LRP1B: variants seen among roughly 807,000 people sequenced by gnomAD.
LRP1B encodes the protein low-density lipoprotein receptor-related protein 1B.
In LRP1B, 217 loss-of-function variants were observed where a neutral mutation model predicts 556.6. That is an observed-to-expected ratio of 0.39 (90% CI 0.35 to 0.44). The LOEUF is 0.44. LRP1B is among the 20% of genes least tolerant of loss of function. The pLI is 1.00. For missense variants in LRP1B, 5,053 were observed against 5,620.8 expected, an observed-to-expected ratio of 0.90 and a Z score of 3.23; for synonymous variants, 2,047 against 1,865.8, an observed-to-expected ratio of 1.10 and a Z score of -2.50.
chr2:141,584,969 C>T (rs1218662050), intron 2 of LRP1B, among the ~76,000 whole-genome samples: 1 of 151,890 alleles, frequency 6.6e-6, no homozygotes, highest in Non-Finnish European at 1.5e-5. Context: ...TTCTGGAGAG[C>T]TGACTCACAA....
chr2:141,379,746 C>G (rs1361315861), intron 3 of LRP1B, among the ~76,000 whole-genome samples: 1 of 152,054 alleles, frequency 6.6e-6, no homozygotes, highest in Non-Finnish European at 1.5e-5. Flanking sequence ...TTACTAGTTC[C>G]CTGGAACCAT....
At chr2:140,678,846 T>G (rs924038692) in intron 41 of LRP1B, among the ~76,000 whole-genome samples, 1 of 151,720 alleles carries the variant, frequency 6.6e-6, no homozygotes, top group African/African-American at 2.4e-5. Context: ...GGCATAGTCT[T>G]GGCTCACTGC....
chr2:140,687,575 A>AT lies in LRP1B; in HGVS notation c.6799+12674dup, dbSNP rs138037926. Among the ~76,000 whole-genome samples the AT allele has an allele frequency of 0.019, 2,846 of 149,704 alleles. 155 individuals carry two copies. The East Asian group carries it at 0.22, about 12-fold the overall frequency. On this transcript the variant is annotated intron_variant, in intron 41 of 90. Coordinates refer to ENST00000389484, the MANE Select transcript of LRP1B (RefSeq NM_018557.3). ...GTCCTGAGAAACTGATATCCACATG[A>AT]TTTTTTTTTTAGTACAAGTTCTTTT... is the stretch of plus-strand genomic sequence containing the variant.
chr2:140,941,118 C>T (rs1330652104), intron 20 of LRP1B, among the ~76,000 whole-genome samples: 2 of 152,038 alleles, frequency 1.3e-5, no homozygotes, highest in Non-Finnish European at 2.9e-5. Flanking sequence ...AAAGAAACAG[C>T]ATGACATTAA....
intron 25 of LRP1B, among the ~76,000 whole-genome samples, chr2:140,877,764 A>G (rs945530289): frequency 6.6e-6 from 1 of 152,148 alleles, no homozygotes; most frequent in Non-Finnish European, 1.5e-5. Context: ...ACCAATGTTC[A>G]TCTTACATAT....
At chr2:140,426,783 T>C (rs1419083125) in intron 66 of LRP1B, among the ~76,000 whole-genome samples, 1 of 152,218 alleles carries the variant, frequency 6.6e-6, no homozygotes, top group East Asian at 1.9e-4. Flanking sequence ...TGGTGGTCTC[T>C]TCACATGGAC....
chr2:141,672,879 A>T (rs1169583790), intron 2 of LRP1B, among the ~76,000 whole-genome samples: 2 of 152,260 alleles, frequency 1.3e-5, no homozygotes, highest in Admixed American at 1.3e-4. Context: ...TTCATCATGA[A>T]GGTTTCCAGT....
chr2:141,338,501 T>G (rs1273484207), intron 3 of LRP1B, among the ~76,000 whole-genome samples: 1 of 152,156 alleles, frequency 6.6e-6, no homozygotes, highest in Non-Finnish European at 1.5e-5. Context: ...CATTAGCACT[T>G]TGATTTACGG....
At chr2:140,931,145 C>T (rs1330643837) in intron 20 of LRP1B, among the ~76,000 whole-genome samples, 1 of 152,114 alleles carries the variant, frequency 6.6e-6, no homozygotes. Flanking sequence ...ATGCTGCCTA[C>T]CTAATGTAGT....
intron 1 of LRP1B, among the ~76,000 whole-genome samples, chr2:141,958,473 T>C (rs1349887999): frequency 6.6e-6 from 1 of 152,034 alleles, no homozygotes; most frequent in East Asian, 1.9e-4. Context: ...TTGATTTCTC[T>C]TAAAGGGATT....
In LRP1B at chr2:141,188,690, A is replaced by G. The variant is rs568114171; in HGVS notation, c.851-107T>C. On this transcript the variant is annotated intron_variant, in intron 6 of 90. Transcript: ENST00000389484. ...CCATCATAGAGGACATTTCAAAAGT[A>G]TAGACATTTTTATGAAAAGAAACTG... 8 of 931,954 alleles carry G rather than the reference A, an allele frequency of 8.6e-6. No individual in the cohort carries two copies. In the East Asian group the frequency reaches 2.1e-4, roughly 25 times the overall value. The allele number at this position is 931,954 out of a possible 1,614,324, so 57.7% of individuals were successfully genotyped here.
In LRP1B at chr2:141,810,384, G is replaced by T. The variant is rs758794520; in HGVS notation, c.100C>A (p.Pro34Thr). Residue 34 changes from proline (P) to threonine (T), a missense_variant, in exon 2 of 91, where the codon CCT becomes ACT. Pro to Thr is a conservative substitution (Grantham distance 38). This residue lies in a region of LRP1B where 3,619 missense variants were observed against 3,931.9 expected (regional missense o/e 0.92). Transcript: ENST00000389484. ...GADRDQQLCD[P>T]GEFLCHDHVT... ...TGATCGTGGCAAAGAAATTCACCAG[G>T]ATCACACAACTGCTGATCTGAAAAT... 6.2e-6 allele frequency: 10 copies of T among 1,612,856 alleles called. No homozygotes were observed. Among genetic ancestry groups the T allele is most frequent in the Admixed American group, 3.3e-5 (2 of 59,830 alleles).
intron 85 of LRP1B, among the ~76,000 whole-genome samples, chr2:140,270,815 C>T (rs999295641): frequency 1.3e-5 from 2 of 151,920 alleles, no homozygotes; most frequent in Admixed American, 6.6e-5. Context: ...TTAGACCCCA[C>T]ATTTCATAAG....
rs767452254 is a variant in LRP1B, at chr2:140,525,889, C to T, written c.7981G>A (p.Gly2661Arg). Residue 2661 changes from glycine to arginine, a missense_variant, in exon 49 of 91, where the codon GGG becomes AGG. Physicochemically the swap from Gly to Arg is moderately radical, Grantham distance 125 (BLOSUM62 -2). Around this residue, in one of 5 missense-constraint regions of LRP1B, gnomAD observed 3,619 missense variants for 3,931.9 expected, o/e 0.92. Transcript: ENST00000389484. Reference protein sequence around the residue: ...LCVLPTWICDGSNDCGDYSDE... With the variant: ...LCVLPTWICDRSNDCGDYSDE... ...GAATAGTCTCCACAGTCATTAGACC[C>T]GTCGCATATCCAGGTTGGCAGAACA... 25 of 1,612,150 alleles carry T rather than the reference C, an allele frequency of 1.6e-5. No homozygotes were observed. The highest frequency in any genetic ancestry group is 5.0e-5 in the Admixed American group (3 of 59,780).
At chr2:140,702,590 A>T in intron 37 of LRP1B, 37 bp from the exon 38 acceptor site, 2 of 1,601,754 alleles carry the variant, frequency 1.2e-6, no homozygotes, top group Non-Finnish European at 1.7e-6. Flanking sequence ...GTTTATGTAC[A>T]TTTATTTGTA....
At chr2:141,583,473 T>C (rs1376230203) in intron 2 of LRP1B, among the ~76,000 whole-genome samples, 1 of 151,818 alleles carries the variant, frequency 6.6e-6, no homozygotes, top group Non-Finnish European at 1.5e-5. Flanking sequence ...AATGAAAAAA[T>C]AACAGATCTA....
At chr2:142,099,579 T>C (rs1418231573) in intron 1 of LRP1B, among the ~76,000 whole-genome samples, 1 of 151,974 alleles carries the variant, frequency 6.6e-6, no homozygotes, top group African/African-American at 2.4e-5. Flanking sequence ...TCATGCTATT[T>C]TAAGTATTCG....
intron 1 of LRP1B, among the ~76,000 whole-genome samples, chr2:142,108,503 G>A (rs557857347): frequency 3.2e-4 from 49 of 152,234 alleles, no homozygotes; most frequent in African/African-American, 7.2e-4. Context: ...AGAAAAGTCC[G>A]TCACTGAATG....
At chr2:141,673,027 A>G (rs1365024777) in intron 2 of LRP1B, among the ~76,000 whole-genome samples, 1 of 151,856 alleles carries the variant, frequency 6.6e-6, no homozygotes, top group Non-Finnish European at 1.5e-5. Flanking sequence ...ACAGTCGCCT[A>G]TATCACTGTA....
Sources: gnomAD v4.1 joint callset for allele counts (sites outside exome capture counted in the v4.1 genomes callset) on GRCh38, gnomAD v4.1.1 for gene constraint, gnomAD v4.1.1 regional missense constraint, MANE v1.5 for transcripts, NCBI Gene and HGNC (gene_info 2026-07-23, HGNC 2026-07-21) for gene names.